PRKN: variants seen among roughly 807,000 people sequenced by gnomAD.
The protein encoded by PRKN is parkin RBR E3 ubiquitin protein ligase.
PRKN carries 56 observed loss-of-function variants against 59.5 expected under a neutral mutation model. The ratio of observed to expected loss-of-function variants is 0.94; its 90% CI spans 0.76 to 1.18. The LOEUF is 1.18. Among genes scored for constraint, PRKN ranks in the 50% most tolerant of loss-of-function variants. PRKN has a pLI of 0.00. For synonymous variants in PRKN, 250 were observed against 222.1 expected, an observed-to-expected ratio of 1.13 and a Z score of -1.12; for missense variants, 657 against 596.4, an observed-to-expected ratio of 1.10 and a Z score of -1.06.
chr6:162,053,091 A>G (rs1283122616), intron 5 of PRKN, among the ~76,000 whole-genome samples: 3 of 152,198 alleles, frequency 2.0e-5, no homozygotes, highest in Non-Finnish European at 4.4e-5. Flanking sequence ...ACAAGTCATT[A>G]TCTTTCTTCA....
chr6:161,593,405 T>C lies in PRKN; in HGVS notation c.872-23989A>G, dbSNP rs139813955. ...AAACTAATATATGGTGAGGCTGGTT[T>C]CAAGCTAATATTGGCCAATCCCCAA... On this transcript the variant is annotated intron_variant, in intron 7 of 11. Transcript: ENST00000366898. This position sits in a 1 kb window ranked among gnomAD's most constrained non-coding sequence, Gnocchi z 4.8. Among the ~76,000 whole-genome samples, 2 of 152,264 alleles carry C rather than the reference T, an allele frequency of 1.3e-5. No individual in the cohort carries two copies. Among genetic ancestry groups the C allele is most frequent in the Non-Finnish European group, 2.9e-5 (2 of 68,008 alleles).
At chr6:161,735,902 G>A (rs972975424) in intron 7 of PRKN, among the ~76,000 whole-genome samples, 2 of 151,948 alleles carry the variant, frequency 1.3e-5, no homozygotes, top group African/African-American at 2.4e-5. Flanking sequence ...GCAACAGAGC[G>A]AGACTCTGTC....
At chr6:162,246,499 C>A (rs749005401) in intron 3 of PRKN, among the ~76,000 whole-genome samples, 9 of 152,152 alleles carry the variant, frequency 5.9e-5, no homozygotes, top group Non-Finnish European at 1.0e-4. Context: ...ATAAAGCAAA[C>A]TCTGAGTACT....
chr6:162,556,342 G>GGGGGGTGTGTGTGTGTGT (rs1175202893), intron 1 of PRKN, among the ~76,000 whole-genome samples: 1 of 57,300 alleles, frequency 1.7e-5, no homozygotes, highest in African/African-American at 7.2e-5. Context: ...CTACTCAGCT[G>GGGGGGTGTGTGTGTGTGT]GTGTGTGTGT....
intron 5 of PRKN, among the ~76,000 whole-genome samples, chr6:161,994,807 G>A (rs988285994): frequency 2.6e-5 from 4 of 151,812 alleles, no homozygotes; most frequent in African/African-American, 9.7e-5. Context: ...GAAAGAAATT[G>A]AAGATGACAC....
At chr6:162,065,637 T>C (rs1267564330) in intron 4 of PRKN, among the ~76,000 whole-genome samples, 2 of 152,200 alleles carry the variant, frequency 1.3e-5, no homozygotes, top group South Asian at 2.1e-4. Context: ...TTGTTACATA[T>C]GCATACAGGT....
rs934959863 is a variant in PRKN at position 161,463,542 on chromosome 6, C to G, written c.1084-76665G>C. On this transcript the variant is annotated intron_variant, in intron 9 of 11. Coordinates refer to ENST00000366898, the MANE Select transcript of PRKN (RefSeq NM_004562.3). The surrounding 1 kb of genome is among the most constrained non-coding windows in gnomAD (Gnocchi z 4.8). ...GGAGGGATCTTTACATCAACCTACA[C>G]TATACCTACCAGATGCTTTCTTTGA... Among the ~76,000 whole-genome samples the G allele has an allele frequency of 6.6e-6, 1 of 152,212 alleles. No individual in the cohort carries two copies. Among genetic ancestry groups the G allele is most frequent in the Non-Finnish European group, 1.5e-5 (1 of 68,042 alleles).
chr6:161,873,317 G>A (rs1454842480), intron 6 of PRKN, among the ~76,000 whole-genome samples: 1 of 151,914 alleles, frequency 6.6e-6, no homozygotes. Flanking sequence ...TTTGGAACAT[G>A]CTTACTCTGA....
chr6:162,016,630 C>G (rs1337860362), intron 5 of PRKN, among the ~76,000 whole-genome samples: 1 of 152,142 alleles, frequency 6.6e-6, no homozygotes, highest in Non-Finnish European at 1.5e-5. Context: ...CTGGAACACT[C>G]TCCTCGTGGC....
chr6:162,231,111 C>A (rs558917552), intron 3 of PRKN, among the ~76,000 whole-genome samples: 2 of 151,964 alleles, frequency 1.3e-5, no homozygotes, highest in African/African-American at 4.8e-5. Context: ...AATATGCCTC[C>A]CTCTCTCTCT....
intron 6 of PRKN, among the ~76,000 whole-genome samples, chr6:161,902,117 T>C (rs1427263134): frequency 6.6e-6 from 1 of 152,098 alleles, no homozygotes; most frequent in Non-Finnish European, 1.5e-5. Context: ...TTGAGAAAAA[T>C]AGGAGAACAG....
chr6:161,358,343 C>T (rs1380482998), intron 11 of PRKN, among the ~76,000 whole-genome samples: 1 of 146,602 alleles, frequency 6.8e-6, no homozygotes, highest in Non-Finnish European at 1.5e-5. Context: ...GGCACAGTGG[C>T]TCACACCCGT....
chr6:162,240,201 C>T lies in PRKN; in HGVS notation c.412+22324G>A, dbSNP rs949898313. Among the ~76,000 whole-genome samples the T allele has an allele frequency of 6.6e-5, 10 of 152,118 alleles. No homozygotes were observed. The South Asian group carries it at 1.7e-3, about 25-fold the overall frequency. ...CCAGCAGCTCTGAGCAAATGAGGAG[C>T]CAGAGAAAAACAATTAAAAATTTTT... On this transcript the variant is annotated intron_variant, in intron 3 of 11. Transcript: ENST00000366898.
chr6:162,568,572 CAGGAGA>C (rs71544939), intron 1 of PRKN: 291,251 of 825,944 alleles, frequency 0.35, 54,656 homozygotes, highest in East Asian at 0.51. Context: ...CGTGCAGGAG[CAGGAGA>C]AGGAGAAGGA....
chr6:161,463,921 C>T lies in PRKN; in HGVS notation c.1084-77044G>A, dbSNP rs989654898. Among the ~76,000 whole-genome samples the T allele has an allele frequency of 6.6e-6, 1 of 152,146 alleles. No individual in the cohort carries two copies. Among genetic ancestry groups the T allele is most frequent in the Non-Finnish European group, 1.5e-5 (1 of 68,026 alleles). On this transcript the variant is annotated intron_variant, in intron 9 of 11. Transcript: ENST00000366898. The surrounding 1 kb of genome is among the most constrained non-coding windows in gnomAD (Gnocchi z 4.8). ...TACTCCATAGAGCTAGGATGGTAGA[C>T]ATCAACATACAGAGACCTTTAGGGT...
chr6:162,610,282 C>A (rs1001312681), intron 1 of PRKN, among the ~76,000 whole-genome samples: 1 of 152,198 alleles, frequency 6.6e-6, no homozygotes. Context: ...GAGGCAGGAT[C>A]AGACCTCAGG....
intron 1 of PRKN, among the ~76,000 whole-genome samples, chr6:162,636,958 C>CA (rs112748618): frequency 0.022 from 3,125 of 144,074 alleles, 111 homozygotes; most frequent in African/African-American, 0.073. Context: ...GATTCTGTCC[C>CA]AAAAAAAAAA....
intron 7 of PRKN, among the ~76,000 whole-genome samples, chr6:161,755,275 C>T (rs1391571288): frequency 6.6e-6 from 1 of 151,760 alleles, no homozygotes; most frequent in Non-Finnish European, 1.5e-5. Flanking sequence ...TCACAGACAA[C>T]GCACTCTCCC....
intron 5 of PRKN, among the ~76,000 whole-genome samples, chr6:162,012,394 TA>T (rs1255164908): frequency 6.6e-6 from 1 of 152,026 alleles, no homozygotes; most frequent in African/African-American, 2.4e-5. Flanking sequence ...AAATGCAAAG[TA>T]AATATATGCA....
Sources: gnomAD v4.1 joint callset for allele counts (sites outside exome capture counted in the v4.1 genomes callset) on GRCh38, gnomAD v4.1.1 for gene constraint, Gnocchi (gnomAD v3.1) non-coding constraint, MANE v1.5 for transcripts, NCBI Gene and HGNC (gene_info 2026-07-23, HGNC 2026-07-21) for gene names.